OOSP2: variants seen among roughly 807,000 people sequenced by gnomAD.
OOSP2 encodes the protein oocyte secreted protein 2.
Under a neutral mutation model 13.4 loss-of-function variants are expected in OOSP2, and 7 were observed. That is an observed-to-expected ratio of 0.52 (90% CI 0.30 to 0.98). The LOEUF (loss-of-function observed/expected upper bound fraction) is 0.98, where lower values mean the gene tolerates loss of function less well. Among genes scored for constraint, OOSP2 ranks in the 50% least tolerant of loss-of-function variants. OOSP2 has a pLI of 0.07. For missense variants in OOSP2, 184 were observed against 188.5 expected (o/e 0.98, Z 0.14); for synonymous variants, 75 against 67.2 (o/e 1.12, Z -0.57).
At chr11:60,045,008 C>G (rs1278382457) in intron 3 of OOSP2, among the ~76,000 whole-genome samples, 3 of 138,806 alleles carry the variant, frequency 2.2e-5, no homozygotes, top group Non-Finnish European at 4.8e-5. Flanking sequence ...TATAATGGTC[C>G]TAACAATCTA....
intron 3 of OOSP2, among the ~76,000 whole-genome samples, chr11:60,046,187 TTCTCTGTCTCTCTCTCTC>T (rs1242093411): frequency 2.7e-5 from 4 of 149,116 alleles, no homozygotes; most frequent in East Asian, 2.0e-4. Context: ...CTCTCTCGGT[TTCTCTGTCTCTCTCTCTC>T]TCTCTGTCTC....
At chr11:60,042,204 C>T (rs1278389379) in intron 1 of OOSP2, among the ~76,000 whole-genome samples, 1 of 152,224 alleles carries the variant, frequency 6.6e-6, no homozygotes, top group Non-Finnish European at 1.5e-5. Flanking sequence ...TAAGTATGGG[C>T]TTTCTGTGTG....
chr11:60,044,761 T>G lies in OOSP2; in HGVS notation c.334T>G (p.Cys112Gly). 6.5e-7 allele frequency: 1 copy of G among 1,538,242 alleles called. No homozygotes were observed. The highest frequency in any genetic ancestry group is 1.4e-5 in the African/African-American group (1 of 73,516). ...TGACCCTCAGGAAATCCATTTGGAGTGTTCCACCTCTAGGTAAGTCCAGCA... is the reference window on the plus strand; with the variant it reads ...TGACCCTCAGGAAATCCATTTGGAGGGTTCCACCTCTAGGTAAGTCCAGCA... Reference protein sequence around the residue: ...DHDPQEIHLECSTSRKSVWLT... With the variant: ...DHDPQEIHLEGSTSRKSVWLT... Residue 112 changes from cysteine (C) to glycine (G), a missense_variant, in exon 3 of 4, where the codon TGT becomes GGT. By Grantham distance (159) the Cys-to-Gly change is radical. Coordinates refer to ENST00000278855, the MANE Select transcript of OOSP2 (RefSeq NM_173801.5).
chr11:60,042,858 A>AT (rs1474700569), intron 1 of OOSP2, among the ~76,000 whole-genome samples: 2 of 151,930 alleles, frequency 1.3e-5, no homozygotes, highest in Admixed American at 6.6e-5. Flanking sequence ...TCCATGGAAT[A>AT]TTTAGGAAAT....
In OOSP2 at chr11:60,046,965, A is replaced by G. The variant is rs781026997; in HGVS notation, c.369A>G (p.Pro123=). ...TTAGGAAATCAGTGTGGCTTACACC[A>G]GTTTCTACTGAGAATGAAATAAAAT... is the stretch of plus-strand genomic sequence containing the variant. ...STSRKSVWLT[P]VSTENEIKLD... Residue 123 remains proline, a synonymous_variant, in exon 4 of 4, where the codon CCA becomes CCG. Transcript: ENST00000278855. The G allele has an allele frequency of 6.2e-6, 10 of 1,610,272 alleles. No homozygotes were observed. Among genetic ancestry groups the G allele is most frequent in the Non-Finnish European group, 8.5e-6 (10 of 1,176,824 alleles).
chr11:60,041,776 G>A (rs1200004814), intron 1 of OOSP2, among the ~76,000 whole-genome samples: 1 of 148,838 alleles, frequency 6.7e-6, no homozygotes, highest in African/African-American at 2.5e-5. Context: ...ACTTGAACCC[G>A]GGAGGCGGAG....
In OOSP2 at chr11:60,046,219, C is replaced by G. The variant is rs75878795; in HGVS notation, c.348-725C>G. On this transcript the variant is annotated intron_variant, in intron 3 of 3. Transcript: ENST00000278855. Reference sequence around the variant, plus strand: ...TCTCTCTCTCTCTCTCTGTCTCTCTCTCTTTCTCCCTGTCTCTCTCCATCT... The same window carrying G: ...TCTCTCTCTCTCTCTCTGTCTCTCTGTCTTTCTCCCTGTCTCTCTCCATCT... 3.5e-3 allele frequency among the ~76,000 whole-genome samples: 537 copies of G among 151,782 alleles called. 2 individuals are homozygous for G. Among genetic ancestry groups the G allele is most frequent in the African/African-American group, 0.011 (474 of 41,452 alleles).
rs1400824843 is a variant in OOSP2 at position 60,040,478 on chromosome 11, A to C, written c.19A>C (p.Met7Leu). The stretch of plus-strand genomic sequence containing the variant: ...GGTCTCCATGGCGTTAGAAGTCTTG[A>C]TGCTCCTCGCTGTCTTGATTTGGAC... Reference protein sequence around the residue: MALEVLMLLAVLIWTGA... With the variant: MALEVLLLLAVLIWTGA... The change falls in exon 1 of 4, where the codon ATG becomes CTG. Residue 7 changes from methionine (M) to leucine (L), a missense_variant. Transcript: ENST00000278855. 1.9e-6 allele frequency: 3 copies of C among 1,603,172 alleles called. No homozygotes were observed. Among genetic ancestry groups the C allele is most frequent in the Non-Finnish European group, 1.7e-6 (2 of 1,170,128 alleles).
At chr11:60,040,863 A>G (rs1854921148) in intron 1 of OOSP2, among the ~76,000 whole-genome samples, 1 of 152,158 alleles carries the variant, frequency 6.6e-6, no homozygotes, top group Admixed American at 6.6e-5. Context: ...ATTGTATCAC[A>G]TTGTAAGATA....
At chr11:60,045,435 G>T (rs185939005) in intron 3 of OOSP2, among the ~76,000 whole-genome samples, 1 of 152,010 alleles carries the variant, frequency 6.6e-6, no homozygotes, top group Admixed American at 6.5e-5. Flanking sequence ...AAGAACCTTG[G>T]AAACTATCTC....
Position 60,047,987 on chromosome 11 carries a change from C to T in OOSP2, c.*914C>T, listed in dbSNP as rs1179995984. 6.6e-6 allele frequency: 1 copy of T among 151,966 alleles called. No individual in the cohort carries two copies. Among genetic ancestry groups the T allele is most frequent in the Admixed American group, 6.6e-5 (1 of 15,254 alleles). 9.4% of individuals were successfully genotyped at this position (151,966 alleles called of 1,614,324 possible). ...ACATCCTCCTGGAAGCAAATTTTGC[C>T]AAGATACTGTTTATTATTATTTTTA... is the stretch of plus-strand genomic sequence containing the variant. On this transcript the variant is annotated 3_prime_UTR_variant, in exon 4 of 4. Transcript: ENST00000278855.
intron 1 of OOSP2, among the ~76,000 whole-genome samples, chr11:60,041,460 A>C (rs1217087389): frequency 6.6e-6 from 1 of 152,142 alleles, no homozygotes; most frequent in Non-Finnish European, 1.5e-5. Flanking sequence ...ACTGTCTTTC[A>C]GGAAGCCTGA....
chr11:60,044,789 T>G lies in OOSP2; in HGVS notation c.347+15T>G, dbSNP rs767977780. 1.3e-5 allele frequency: 15 copies of G among 1,192,228 alleles called. No individual in the cohort carries two copies. The highest frequency in any genetic ancestry group is 1.2e-6 in the Non-Finnish European group (1 of 801,162). 73.9% of individuals were successfully genotyped at this position (1,192,228 alleles called of 1,614,324 possible). ...TCCACCTCTAGGTAAGTCCAGCAGA[T>G]TTGATTCCTTTGGAATGTTTTAGCT... On this transcript the variant is annotated intron_variant, in intron 3 of 3. Transcript: ENST00000278855.
rs537071624 is a variant in OOSP2, at chr11:60,040,611, T to C, written c.64+88T>C. 5.1e-6 allele frequency: 4 copies of C among 778,826 alleles called. No individual in the cohort carries two copies. In the African/African-American group the frequency reaches 6.8e-5, roughly 13 times the overall value. The allele number at this position is 778,826 out of a possible 1,614,324, so 48.2% of individuals were successfully genotyped here. ...GCAGGTGTTTTACTCCCTGAAGAAA[T>C]CTGATCTTATTCTAACTGGCTAGAA... is the stretch of plus-strand genomic sequence containing the variant. On this transcript the variant is annotated intron_variant, in intron 1 of 3. Transcript: ENST00000278855.
chr11:60,046,874 A>G, intron 3 of OOSP2, 70 bp from the exon 4 acceptor site: 2 of 1,226,624 alleles, frequency 1.6e-6, no homozygotes, highest in Non-Finnish European at 2.4e-6. Flanking sequence ...TCATGATATT[A>G]AACAGTGGTA....
At chr11:60,044,549 T>A (rs1205070810) in intron 2 of OOSP2, 122 bp from the exon 3 acceptor site, 1 of 489,922 alleles carries the variant, frequency 2.0e-6, no homozygotes, top group Non-Finnish European at 3.7e-6. Flanking sequence ...TATCTTTATT[T>A]ATATTTAAGA....
At chr11:60,045,653 C>A (rs1303141969) in intron 3 of OOSP2, among the ~76,000 whole-genome samples, 1 of 151,652 alleles carries the variant, frequency 6.6e-6, no homozygotes, top group African/African-American at 2.4e-5. Context: ...TGTATATAAT[C>A]TTTTTTAATT....
chr11:60,047,022 G>A lies in OOSP2; in HGVS notation c.426G>A (p.Gln142=). Residue 142 remains glutamine, a synonymous_variant, in exon 4 of 4, where the codon CAG becomes CAA. Transcript: ENST00000278855. ...CTAGTCCTTTTATTGCTGACTTTCA[G>A]ACAACAGCAGAAGAGTTAGGATTAT... ...LDPSPFIADF[Q]TTAEELGLLS... The A allele has an allele frequency of 5.6e-6, 9 of 1,611,008 alleles. No homozygotes were observed. Among genetic ancestry groups the A allele is most frequent in the Non-Finnish European group, 7.6e-6 (9 of 1,177,320 alleles).
intron 3 of OOSP2, 133 bp from the exon 4 acceptor site, chr11:60,046,811 G>A (rs990457833): frequency 5.0e-6 from 4 of 806,966 alleles, no homozygotes; most frequent in Non-Finnish European, 8.9e-6. Context: ...GGATCTAGAA[G>A]GCATAGTATG....
Sources: gnomAD v4.1 joint callset for allele counts (sites outside exome capture counted in the v4.1 genomes callset) on GRCh38, gnomAD v4.1.1 for gene constraint, MANE v1.5 for transcripts, NCBI Gene and HGNC (gene_info 2026-07-23, HGNC 2026-07-21) for gene names.